The following PCDHGA6 variants were observed in gnomAD, a reference collection of about 807,000 sequenced individuals.
PCDHGA6 encodes protocadherin gamma-A6.
PCDHGA6 carries 41 observed loss-of-function variants against 60.6 expected under a neutral mutation model. That is an observed-to-expected ratio of 0.68 (90% CI 0.53 to 0.88). The LOEUF is 0.88. PCDHGA6 is among the 40% of genes least tolerant of loss of function. The probability of loss-of-function intolerance (pLI) is 0.00; values close to 1 mark genes in which losing one functional copy is unlikely to be tolerated. For synonymous variants in PCDHGA6, 594 were observed against 524.4 expected, an observed-to-expected ratio of 1.13 and a Z score of -1.81; for missense variants, 1,312 against 1,203.0, an observed-to-expected ratio of 1.09 and a Z score of -1.34.
chr5:141,393,072 G>A (rs2092669892), intron 1 of PCDHGA6: 1 of 1,613,680 alleles, frequency 6.2e-7, no homozygotes. Flanking sequence ...CTTGATCACC[G>A]CGGGCAGGAT....
intron 1 of PCDHGA6, among the ~76,000 whole-genome samples, chr5:141,429,564 C>A (rs995466828): frequency 2.0e-5 from 3 of 152,092 alleles, no homozygotes; most frequent in African/African-American, 7.2e-5. Flanking sequence ...TGATAATATT[C>A]AGTTACATTT....
chr5:141,448,565 AT>A (rs2098595794), intron 1 of PCDHGA6, among the ~76,000 whole-genome samples: 1 of 152,070 alleles, frequency 6.6e-6, no homozygotes, highest in Non-Finnish European at 1.5e-5. Flanking sequence ...ATATATTTTT[AT>A]TTCCCCATTT....
At position 141,491,894 on chromosome 5, in the gene PCDHGA6, C is replaced by T. The variant is rs1209251388; in HGVS notation, c.2425-2913C>T. The T allele has an allele frequency of 1.5e-5, 22 of 1,434,752 alleles. No individual in the cohort carries two copies. Among genetic ancestry groups the T allele is most frequent in the Admixed American group, 2.9e-5 (1 of 34,278 alleles). 88.9% of individuals were successfully genotyped at this position (1,434,752 alleles called of 1,614,324 possible). The stretch of plus-strand genomic sequence containing the variant: ...GCCGATTAAGGGATGGGGCTCCGAG[C>T]ACCGGGGGTGGTGGCGACTGTGGGC... On this transcript the variant is annotated intron_variant, in intron 1 of 3. Transcript: ENST00000517434. The surrounding 1 kb of genome is among the most constrained non-coding windows in gnomAD (Gnocchi z 6.9).
chr5:141,430,924 G>A (rs1217400258), intron 1 of PCDHGA6: 1 of 1,607,462 alleles, frequency 6.2e-7, no homozygotes, highest in Admixed American at 1.7e-5. Context: ...TGGGGCTGGA[G>A]CCCCGGGAGC....
chr5:141,418,224 T>C (rs756997971), intron 1 of PCDHGA6: 1 of 1,613,998 alleles, frequency 6.2e-7, no homozygotes, highest in Non-Finnish European at 8.5e-7. Flanking sequence ...GTCATTGTGG[T>C]GATTGAGGAT....
At chr5:141,419,024 G>A (rs1423033793) in intron 1 of PCDHGA6, 2 of 1,613,874 alleles carry the variant, frequency 1.2e-6, no homozygotes, top group Admixed American at 1.7e-5. Flanking sequence ...CTTAAGTAGA[G>A]GTGTTCCATT....
At chr5:141,389,552 T>C (rs752525339) in intron 1 of PCDHGA6, 14 of 1,613,104 alleles carry the variant, frequency 8.7e-6, no homozygotes, top group East Asian at 6.7e-5. Context: ...GCAACGACAA[T>C]GCGCCACGGG....
At position 141,409,159 on chromosome 5, in the gene PCDHGA6, GGAAGC is replaced by G. The variant is rs1361879939; in HGVS notation, c.2424+32657_2424+32661del. On this transcript the variant is annotated intron_variant, in intron 1 of 3. Transcript: ENST00000517434. ...ATGTAGAAAGGTACACCATGGAAGTGGAAGCGAAGGACGGAGGTGGTCTCTCTACC... is the reference window on the plus strand; with the variant it reads ...ATGTAGAAAGGTACACCATGGAAGTGGAAGGACGGAGGTGGTCTCTCTACC... The G allele has an allele frequency of 3.1e-6, 5 of 1,614,014 alleles. 1 individual carries two copies. In the South Asian group the frequency reaches 5.5e-5, roughly 18 times the overall value.
At chr5:141,504,738 C>G (rs2099840693) in intron 2 of PCDHGA6, among the ~76,000 whole-genome samples, 1 of 151,874 alleles carries the variant, frequency 6.6e-6, no homozygotes, top group Non-Finnish European at 1.5e-5. Flanking sequence ...GCTTAGGAAG[C>G]CATTGAATTT....
intron 2 of PCDHGA6, among the ~76,000 whole-genome samples, chr5:141,503,324 C>T (rs1389385473): frequency 7.9e-5 from 12 of 152,014 alleles, no homozygotes; most frequent in South Asian, 2.1e-4. Context: ...TGGAGGGGCG[C>T]GGTGGCTCAC....
chr5:141,389,002 A>T (rs749693513), intron 1 of PCDHGA6: 25 of 1,613,966 alleles, frequency 1.5e-5, no homozygotes, highest in Admixed American at 3.3e-5. Context: ...CGTGACAAGG[A>T]TTCCAGACAC....
intron 1 of PCDHGA6, chr5:141,411,753 A>G (rs1006054735): frequency 6.5e-5 from 10 of 152,756 alleles, no homozygotes; most frequent in African/African-American, 2.4e-4. Context: ...GTGGTGGCAC[A>G]TGCCTGTGGT....
rs1419365808 is a variant in PCDHGA6 at position 141,477,321 on chromosome 5, C to G, written c.2425-17486C>G. 1.2e-6 allele frequency: 2 copies of G among 1,614,160 alleles called. No homozygotes were observed. Among genetic ancestry groups the G allele is most frequent in the East Asian group, 4.5e-5 (2 of 44,874 alleles). On this transcript the variant is annotated intron_variant, in intron 1 of 3. Coordinates refer to ENST00000517434, the MANE Select transcript of PCDHGA6 (RefSeq NM_018919.3). The surrounding 1 kb of genome is among the most constrained non-coding windows in gnomAD (Gnocchi z 4.9). Reference sequence around the variant, plus strand: ...GGTCTCCCTTTCAGCCTTACTTCTTCCCTCAAGAATTACTTCACTTTGAAA... The same window carrying G: ...GGTCTCCCTTTCAGCCTTACTTCTTGCCTCAAGAATTACTTCACTTTGAAA...
intron 1 of PCDHGA6, among the ~76,000 whole-genome samples, chr5:141,454,371 G>A (rs901551817): frequency 6.6e-6 from 1 of 152,096 alleles, no homozygotes; most frequent in Non-Finnish European, 1.5e-5. Context: ...AAGGAGTATG[G>A]CAACTTGTCA....
chr5:141,468,598 G>A (rs1250884127), intron 1 of PCDHGA6: 1 of 152,228 alleles, frequency 6.6e-6, no homozygotes, highest in African/African-American at 2.4e-5. Context: ...TGGGCGCGGT[G>A]GCTCACGCCT....
chr5:141,384,412 G>T lies in PCDHGA6; in HGVS notation c.2424+7905G>T, dbSNP rs776239248. The T allele has an allele frequency of 9.9e-6, 16 of 1,613,894 alleles. 1 individual carries two copies. The Middle Eastern group carries it at 2.3e-3, about 233-fold the overall frequency. ...CCAGGGGGCTCCAGTGTCCTCCTAT[G>T]TCTCCATAAACTCTGACACTGGAGT... On this transcript the variant is annotated intron_variant, in intron 1 of 3. Transcript: ENST00000517434.
intron 2 of PCDHGA6, among the ~76,000 whole-genome samples, chr5:141,500,508 C>T (rs2099801020): frequency 6.6e-6 from 1 of 152,078 alleles, no homozygotes; most frequent in African/African-American, 2.4e-5. Context: ...CGCGCCTGGC[C>T]GAGCTTCATT....
Position 141,491,885 on chromosome 5 carries a change from G to T in PCDHGA6, c.2425-2922G>T. On this transcript the variant is annotated intron_variant, in intron 1 of 3. Transcript: ENST00000517434. The surrounding 1 kb of genome is among the most constrained non-coding windows in gnomAD (Gnocchi z 6.9). ...ACCAGAGTGGCCGATTAAGGGATGG[G>T]GCTCCGAGCACCGGGGGTGGTGGCG... The T allele has an allele frequency of 6.9e-7, 1 of 1,445,748 alleles. No homozygotes were observed. Among genetic ancestry groups the T allele is most frequent in the Non-Finnish European group, 9.1e-7 (1 of 1,093,758 alleles). The allele number at this position is 1,445,748 out of a possible 1,614,324, so 89.6% of individuals were successfully genotyped here. A position where few individuals can be genotyped will look rare whatever the true frequency, so the allele number is the denominator to read the frequency against.
At chr5:141,413,389 T>G in intron 1 of PCDHGA6, 1 of 1,613,986 alleles carries the variant, frequency 6.2e-7, no homozygotes, top group Non-Finnish European at 8.5e-7. Flanking sequence ...CCGCATAGTC[T>G]CCAGAGGTAG....
Sources: allele counts gnomAD v4.1 joint callset (sites outside exome capture counted in the v4.1 genomes callset), GRCh38; gene constraint gnomAD v4.1.1; non-coding constraint Gnocchi (gnomAD v3.1); transcripts MANE v1.5; gene names NCBI Gene and HGNC (gene_info 2026-07-23, HGNC 2026-07-21).